THADA: variants seen among roughly 807,000 people sequenced by gnomAD.
THADA encodes THADA armadillo repeat containing.
Under a neutral mutation model 219.8 loss-of-function variants are expected in THADA, and 213 were observed. That is an observed-to-expected ratio of 0.97 (90% CI 0.87 to 1.09). The LOEUF is 1.09. Ranked by LOEUF, THADA falls within the 50% of genes least tolerant of loss-of-function variation. The pLI is 0.00. For synonymous variants in THADA, 1,018 were observed against 828.9 expected, an observed-to-expected ratio of 1.23 and a Z score of -3.92; for missense variants, 2,956 against 2,311.3, an observed-to-expected ratio of 1.28 and a Z score of -5.72.
chr2:43,315,305 C>T (rs1677948871), intron 31 of THADA, among the ~76,000 whole-genome samples: 1 of 152,080 alleles, frequency 6.6e-6, no homozygotes, highest in South Asian at 2.1e-4. Flanking sequence ...CCTGTAATCC[C>T]ACCATTCTAA....
intron 29 of THADA, among the ~76,000 whole-genome samples, chr2:43,348,205 T>C (rs951994018): frequency 2.6e-5 from 4 of 152,194 alleles, no homozygotes; most frequent in Non-Finnish European, 5.9e-5. Flanking sequence ...GATCTGGCTA[T>C]AGCGGCCCAC....
intron 29 of THADA, among the ~76,000 whole-genome samples, chr2:43,374,774 C>A (rs1001074175): frequency 4.0e-5 from 6 of 151,550 alleles, no homozygotes; most frequent in African/African-American, 1.5e-4. Flanking sequence ...TTAAAAATGA[C>A]AATAAAAGGT....
At chr2:43,471,014 A>T (rs1684844350) in intron 26 of THADA, among the ~76,000 whole-genome samples, 1 of 152,186 alleles carries the variant, frequency 6.6e-6, no homozygotes, top group African/African-American at 2.4e-5. Context: ...TAAATGTAGG[A>T]AAAGAGTTGG....
intron 25 of THADA, among the ~76,000 whole-genome samples, chr2:43,488,484 C>T (rs1356144977): frequency 1.3e-5 from 2 of 152,068 alleles, no homozygotes; most frequent in African/African-American, 2.4e-5. Context: ...TCTCAAGGTT[C>T]CCCCATGTTG....
At chr2:43,331,706 C>T (rs1456197116) in intron 30 of THADA, among the ~76,000 whole-genome samples, 2 of 152,200 alleles carry the variant, frequency 1.3e-5, no homozygotes, top group Non-Finnish European at 2.9e-5. Flanking sequence ...TTTCCTACCA[C>T]TTTTTGGTGT....
chr2:43,240,718 G>A (rs1668529113), intron 36 of THADA, among the ~76,000 whole-genome samples: 1 of 152,246 alleles, frequency 6.6e-6, no homozygotes, highest in African/African-American at 2.4e-5. Context: ...CCCAGAGGAA[G>A]GTCAGTGTCC....
At chr2:43,478,125 C>T (rs1238470693) in intron 26 of THADA, among the ~76,000 whole-genome samples, 2 of 152,168 alleles carry the variant, frequency 1.3e-5, no homozygotes, top group South Asian at 2.1e-4. Context: ...AAATCTCAGA[C>T]ATGTTATAAA....
At chr2:43,496,140 C>A (rs1688250004) in intron 25 of THADA, among the ~76,000 whole-genome samples, 1 of 152,182 alleles carries the variant, frequency 6.6e-6, no homozygotes, top group Non-Finnish European at 1.5e-5. Context: ...GTAAATACTC[C>A]ACTCTGCAGG....
intron 20 of THADA, among the ~76,000 whole-genome samples, chr2:43,548,814 C>T (rs993794123): frequency 3.3e-5 from 5 of 152,242 alleles, no homozygotes; most frequent in African/African-American, 9.6e-5. Context: ...TGACCCCTTG[C>T]GCTTCCCAAG....
intron 36 of THADA, among the ~76,000 whole-genome samples, chr2:43,257,461 T>C (rs2104179510): frequency 6.6e-6 from 1 of 152,376 alleles, no homozygotes; most frequent in South Asian, 2.1e-4. Context: ...AAGGCTGGGC[T>C]TCGGGGCAGC....
intron 29 of THADA, among the ~76,000 whole-genome samples, chr2:43,351,408 C>G (rs1436273808): frequency 6.6e-6 from 1 of 152,156 alleles, no homozygotes; most frequent in Non-Finnish European, 1.5e-5. Context: ...CCCACCTTCT[C>G]CAACTCCACC....
At chr2:43,540,683 G>A (rs145244347) in intron 21 of THADA, among the ~76,000 whole-genome samples, 3,114 of 152,268 alleles carry the variant, frequency 0.02, 29 homozygotes, top group African/African-American at 0.026. Context: ...AACAGTCCCA[G>A]ATGGTGAACT....
At chr2:43,516,984 C>A (rs1344570890) in intron 22 of THADA, among the ~76,000 whole-genome samples, 1 of 152,086 alleles carries the variant, frequency 6.6e-6, no homozygotes, top group Non-Finnish European at 1.5e-5. Flanking sequence ...TATTAACTTC[C>A]TGATCATGTT....
chr2:43,567,620 C>A (rs1489033037), intron 14 of THADA, among the ~76,000 whole-genome samples: 1 of 152,048 alleles, frequency 6.6e-6, no homozygotes, highest in African/African-American at 2.4e-5. Context: ...GAGCGAAACT[C>A]CCTCTGAAAA....
At chr2:43,276,394 G>A (rs1444687319) in intron 36 of THADA, among the ~76,000 whole-genome samples, 3 of 152,160 alleles carry the variant, frequency 2.0e-5, no homozygotes, top group Admixed American at 2.0e-4. Flanking sequence ...CAAAAAAGGT[G>A]AATAAGAAAT....
chr2:43,250,513 T>G (rs1374574967), intron 36 of THADA, among the ~76,000 whole-genome samples: 2 of 152,142 alleles, frequency 1.3e-5, no homozygotes, highest in African/African-American at 4.8e-5. Context: ...CTACTGGAAC[T>G]GTATACTTTA....
At chr2:43,246,358 G>A (rs1669145439) in intron 36 of THADA, among the ~76,000 whole-genome samples, 2 of 152,186 alleles carry the variant, frequency 1.3e-5, no homozygotes, top group South Asian at 4.1e-4. Flanking sequence ...AGCCGGGCAC[G>A]GTGGTGGGCG....
chr2:43,490,761 T>C lies in THADA; in HGVS notation c.3745-5436A>G, dbSNP rs1486968413. Among the ~76,000 whole-genome samples, 6 of 152,284 alleles carry C rather than the reference T, an allele frequency of 3.9e-5. No homozygotes were observed. In the South Asian group the frequency reaches 1.2e-3, roughly 32 times the overall value. On this transcript the variant is annotated intron_variant, in intron 25 of 37. Transcript: ENST00000405975. ...TTGTTATCTCTTATGATATCTAATT[T>C]ATAAATTAAACTTTATCACAGGTAT...
At chr2:43,363,788 C>T (rs972962199) in intron 29 of THADA, among the ~76,000 whole-genome samples, 1 of 152,084 alleles carries the variant, frequency 6.6e-6, no homozygotes, top group South Asian at 2.1e-4. Flanking sequence ...CACGAGGATT[C>T]GTTCTAGTAT....
Sources: allele counts gnomAD v4.1 joint callset (sites outside exome capture counted in the v4.1 genomes callset), GRCh38; gene constraint gnomAD v4.1.1; transcripts MANE v1.5; gene names NCBI Gene and HGNC (gene_info 2026-07-23, HGNC 2026-07-21).